The following CAPN5 variants were observed in gnomAD, a reference collection of about 807,000 sequenced individuals.
CAPN5 encodes the protein calpain 5.
CAPN5 carries 54 observed loss-of-function variants against 73.0 expected under a neutral mutation model. The observed-to-expected ratio is 0.74, with a 90% CI of 0.59 to 0.93. The LOEUF (loss-of-function observed/expected upper bound fraction) is 0.93. Ranked by LOEUF, CAPN5 falls within the 40% of genes least tolerant of loss-of-function variation. The pLI is 0.00. For synonymous variants in CAPN5, 335 were observed against 356.9 expected (o/e 0.94, Z 0.69); for missense variants, 785 against 882.9 (o/e 0.89, Z 1.41).
intron 3 of CAPN5, among the ~76,000 whole-genome samples, chr11:77,107,831 G>A (rs1386752559): frequency 6.6e-6 from 1 of 152,200 alleles, no homozygotes; most frequent in Non-Finnish European, 1.5e-5. Context: ...CTCCTCTTGG[G>A]AAGGAGGTTG....
chr11:77,113,714 G>T (rs899743665), intron 4 of CAPN5, among the ~76,000 whole-genome samples: 1 of 82,378 alleles, frequency 1.2e-5, no homozygotes, highest in Admixed American at 1.1e-4. Context: ...GGTGGCCACT[G>T]AGTCTCCACC....
chr11:77,121,642 A>G (rs1330221547), intron 10 of CAPN5, among the ~76,000 whole-genome samples: 2 of 152,202 alleles, frequency 1.3e-5, no homozygotes, highest in African/African-American at 4.8e-5. Flanking sequence ...GGGGCTTTGC[A>G]GGGATTAGGA....
chr11:77,088,157 G>C, intron 2 of CAPN5: 1 of 1,239,774 alleles, frequency 8.1e-7, no homozygotes, highest in Non-Finnish European at 1.1e-6. Flanking sequence ...TCCTTTGGTG[G>C]AATGCACAGG....
At chr11:77,115,624 T>C (rs1950459749) in intron 6 of CAPN5, 36 bp downstream of exon 6, 1 of 1,569,876 alleles carries the variant, frequency 6.4e-7, no homozygotes, top group African/African-American at 1.3e-5. Context: ...GCACAGGGCA[T>C]GAGGGCTTGG....
At position 77,114,352 on chromosome 11, in the gene CAPN5, A is replaced by G. The variant is rs149759840; in HGVS notation, c.617A>G (p.Asn206Ser). 4 of 1,614,208 alleles carry G rather than the reference A, an allele frequency of 2.5e-6. No homozygotes were observed. The highest frequency in any genetic ancestry group is 2.7e-5 in the African/African-American group (2 of 75,048). The change falls in exon 5 of 13, where the codon AAC (asparagine) becomes AGC (serine). Residue 206 changes from asparagine (N) to serine (S), a missense_variant. Physicochemically the swap from Asn to Ser is conservative, Grantham distance 46. Transcript: ENST00000648180. ...PIDLTEGDFA[N>S]DETKRNQLFE... ...GACCTGACCGAGGGTGACTTTGCCA[A>G]CGATGAGACTAAGAGGAACCAGCTC...
At chr11:77,091,921 G>A (rs553470728) in intron 2 of CAPN5, among the ~76,000 whole-genome samples, 10 of 152,290 alleles carry the variant, frequency 6.6e-5, no homozygotes, top group South Asian at 6.2e-4. Context: ...ATTCCTCCTC[G>A]CAAAGTAGAA....
chr11:77,103,170 G>A (rs1950306431), intron 3 of CAPN5: 2 of 1,613,718 alleles, frequency 1.2e-6, no homozygotes, highest in Non-Finnish European at 1.7e-6. Flanking sequence ...GCGCAAGGAG[G>A]ACTCGGATGC....
intron 7 of CAPN5, among the ~76,000 whole-genome samples, 171 bp from the exon 8 acceptor site, chr11:77,117,986 G>T (rs994618697): frequency 6.6e-6 from 1 of 152,140 alleles, no homozygotes; most frequent in Non-Finnish European, 1.5e-5. Context: ...AGAGGTTAAG[G>T]GTCTGTGCAA....
rs1950525840 is a variant in CAPN5, at chr11:77,122,137, C to T, written c.1603+88C>T. On this transcript the variant is annotated intron_variant, in intron 11 of 12. Transcript: ENST00000648180. ...CAGCACGGATACCAGCCTCAGAGCTCTCCTGCTCTCAGAGGCACTGCAGGC... is the reference window on the plus strand; with the variant it reads ...CAGCACGGATACCAGCCTCAGAGCTTTCCTGCTCTCAGAGGCACTGCAGGC... The T allele has an allele frequency of 8.1e-5, 60 of 745,138 alleles. No individual in the cohort carries two copies. The South Asian group carries it at 1.2e-3, about 15-fold the overall frequency. 46.2% of individuals were successfully genotyped at this position (745,138 alleles called of 1,614,324 possible).
intron 6 of CAPN5, among the ~76,000 whole-genome samples, chr11:77,115,969 C>G (rs1375353764): frequency 2.0e-5 from 3 of 152,080 alleles, no homozygotes; most frequent in Admixed American, 1.3e-4. Context: ...GTCGCACCCC[C>G]CTTCCCCCCA....
chr11:77,070,729 C>T (rs1192787355), intron 1 of CAPN5, among the ~76,000 whole-genome samples: 2 of 152,152 alleles, frequency 1.3e-5, no homozygotes, highest in East Asian at 1.9e-4. Flanking sequence ...GATGAGAAGT[C>T]CCCCATGAGT....
intron 3 of CAPN5, among the ~76,000 whole-genome samples, chr11:77,107,352 G>A (rs543494255): frequency 7.2e-5 from 11 of 152,274 alleles, no homozygotes; most frequent in Non-Finnish European, 8.8e-5. Context: ...CCCTGGCGGC[G>A]TGGCTCAGAA....
chr11:77,086,601 C>T lies in CAPN5; in HGVS notation c.165+1550C>T, dbSNP rs868916655. Among the ~76,000 whole-genome samples, 22 of 152,368 alleles carry T rather than the reference C, an allele frequency of 1.4e-4. 2 individuals are homozygous for T. The South Asian group carries it at 3.3e-3, about 23-fold the overall frequency. On this transcript the variant is annotated intron_variant, in intron 2 of 12. Coordinates refer to ENST00000648180, the MANE Select transcript of CAPN5 (RefSeq NM_004055.5). ...TCTTGGGCCCCCTCTCCCACGCCTTCCTCTCTTCCTTTGTCAAGTAGGTGG... is the reference window on the plus strand; with the variant it reads ...TCTTGGGCCCCCTCTCCCACGCCTTTCTCTCTTCCTTTGTCAAGTAGGTGG...
chr11:77,123,698 A>G lies in CAPN5; in HGVS notation c.1751A>G (p.His584Arg), dbSNP rs782129183. 5.6e-6 allele frequency: 9 copies of G among 1,613,316 alleles called. No homozygotes were observed. ...TCTGTCTCTTCCCAGGTCTGGAACCACCGAGTGCTGAAGGATGAATTTCTG... is the reference window on the plus strand; with the variant it reads ...TCTGTCTCTTCCCAGGTCTGGAACCGCCGAGTGCTGAAGGATGAATTTCTG... ...SQPITVQVWNHRVLKDEFLGQ... is the reference protein window; with the variant it reads ...SQPITVQVWNRRVLKDEFLGQ... Residue 584 changes from histidine to arginine, a missense_variant, in exon 13 of 13, where the codon CAC (histidine) becomes CGC (arginine). Transcript: ENST00000648180.
chr11:77,090,733 C>A (rs1000634847), intron 2 of CAPN5, among the ~76,000 whole-genome samples: 2 of 152,092 alleles, frequency 1.3e-5, no homozygotes, highest in African/African-American at 2.4e-5. Flanking sequence ...TGGCTGGGGT[C>A]CTCCGTATAT....
intron 3 of CAPN5, among the ~76,000 whole-genome samples, chr11:77,101,331 A>G (rs1271384263): frequency 6.6e-6 from 1 of 152,172 alleles, no homozygotes; most frequent in African/African-American, 2.4e-5. Flanking sequence ...GAAGGTTAGA[A>G]ACAGCTCCCC....
At chr11:77,097,105 C>T (rs1950217957) in intron 3 of CAPN5, among the ~76,000 whole-genome samples, 1 of 152,046 alleles carries the variant, frequency 6.6e-6, no homozygotes, top group Non-Finnish European at 1.5e-5. Flanking sequence ...GCCTGTAGTC[C>T]CAGCTACTTG....
intron 3 of CAPN5, 121 bp downstream of exon 3, chr11:77,093,934 A>G: frequency 7.0e-7 from 1 of 1,421,246 alleles, no homozygotes; most frequent in East Asian, 2.5e-5. Context: ...TGTGCCAGGG[A>G]TGGGGTGGGG....
intron 3 of CAPN5, among the ~76,000 whole-genome samples, chr11:77,112,272 C>T (rs1421274014): frequency 8.0e-5 from 12 of 150,922 alleles, no homozygotes; most frequent in African/African-American, 2.9e-4. Context: ...GGTCACTAGG[C>T]AGGAGCTGGT....
Sources: allele counts gnomAD v4.1 joint callset (sites outside exome capture counted in the v4.1 genomes callset), GRCh38; gene constraint gnomAD v4.1.1; transcripts MANE v1.5; gene names NCBI Gene and HGNC (gene_info 2026-07-23, HGNC 2026-07-21).